Variants in GPR158 observed in about 807,000 individuals in gnomAD.
The protein encoded by GPR158 is G protein-coupled receptor 158, also known as metabotropic glycine receptor.
A neutral mutation model predicts 78.2 loss-of-function variants in GPR158; 30 were observed. The ratio of observed to expected loss-of-function variants is 0.38; its 90% CI spans 0.29 to 0.52. The LOEUF (loss-of-function observed/expected upper bound fraction) is 0.52. GPR158 is among the 20% of genes least tolerant of loss of function. The probability of loss-of-function intolerance (pLI) is 0.83; values close to 1 mark genes in which losing one functional copy is unlikely to be tolerated. For synonymous variants in GPR158, 581 were observed against 591.1 expected (o/e 0.98, Z 0.25); for missense variants, 1,463 against 1,523.5 (o/e 0.96, Z 0.66).
At chr10:25,270,719 C>T (rs533737260) in intron 2 of GPR158, among the ~76,000 whole-genome samples, 84 of 152,274 alleles carry the variant, frequency 5.5e-4, no homozygotes, top group African/African-American at 1.7e-3. Context: ...ATCACCTTAT[C>T]GAAGTCCCAT....
chr10:25,587,930 A>T (rs748451583), intron 7 of GPR158, among the ~76,000 whole-genome samples: 1 of 152,162 alleles, frequency 6.6e-6, no homozygotes, highest in Non-Finnish European at 1.5e-5. Flanking sequence ...AGAAAGTTCC[A>T]TCTAGATAAT....
chr10:25,238,828 C>G (rs1392696112), intron 2 of GPR158, among the ~76,000 whole-genome samples: 1 of 152,182 alleles, frequency 6.6e-6, no homozygotes, highest in Non-Finnish European at 1.5e-5. Context: ...GTTCAGGACC[C>G]TATGATTAGA....
At chr10:25,213,307 A>G (rs1288186554) in intron 1 of GPR158, among the ~76,000 whole-genome samples, 1 of 152,226 alleles carries the variant, frequency 6.6e-6, no homozygotes, top group Non-Finnish European at 1.5e-5. Context: ...TTGGAATTTA[A>G]GAAAGTTTCC....
At chr10:25,550,503 G>A (rs10828819) in intron 5 of GPR158, among the ~76,000 whole-genome samples, 41,850 of 152,018 alleles carry the variant, frequency 0.28, 11,151 homozygotes, top group African/African-American at 0.67. Context: ...GAGAATGGCA[G>A]TGGGACTATC....
chr10:25,377,262 T>C (rs1834093322), intron 2 of GPR158, among the ~76,000 whole-genome samples: 1 of 151,984 alleles, frequency 6.6e-6, no homozygotes, highest in Non-Finnish European at 1.5e-5. Flanking sequence ...GACTTTTAAA[T>C]GTAATAACTC....
chr10:25,488,590 T>C (rs2130644474), intron 5 of GPR158, among the ~76,000 whole-genome samples: 1 of 152,342 alleles, frequency 6.6e-6, no homozygotes, highest in African/African-American at 2.4e-5. Flanking sequence ...ACTGATTATG[T>C]AACTCACAAT....
intron 2 of GPR158, among the ~76,000 whole-genome samples, chr10:25,335,381 G>A (rs1380184203): frequency 6.6e-6 from 1 of 152,020 alleles, no homozygotes; most frequent in South Asian, 2.1e-4. Flanking sequence ...TCCTTTTGTT[G>A]ATGTTATAAA....
intron 2 of GPR158, among the ~76,000 whole-genome samples, chr10:25,369,373 A>C (rs1373153255): frequency 6.7e-6 from 1 of 150,112 alleles, no homozygotes; most frequent in Non-Finnish European, 1.5e-5. Context: ...AGTTTTTAGC[A>C]TGAAGGGTTG....
chr10:25,349,220 G>A (rs2130516716), intron 2 of GPR158, among the ~76,000 whole-genome samples: 1 of 151,894 alleles, frequency 6.6e-6, no homozygotes, highest in East Asian at 2.0e-4. Context: ...ACTCTTCCTG[G>A]CATCACTGTG....
chr10:25,252,191 T>C (rs1057471665), intron 2 of GPR158, among the ~76,000 whole-genome samples: 4 of 151,306 alleles, frequency 2.6e-5, no homozygotes, highest in Non-Finnish European at 5.9e-5. Context: ...TTCTCTGTAT[T>C]GGTTATTCTA....
rs549861156 is a variant in GPR158, at chr10:25,393,984, T to A, written c.1009-1927T>A. 4 of 152,330 alleles carry A rather than the reference T, an allele frequency of 2.6e-5. 1 individual carries two copies. The highest frequency in any genetic ancestry group is 9.6e-5 in the African/African-American group (4 of 41,574). The allele number at this position is 152,330 out of a possible 1,614,324, so 9.4% of individuals were successfully genotyped here. A position where few individuals can be genotyped will look rare whatever the true frequency, so the allele number is the denominator to read the frequency against. ...CATCTCTTCTAAACTTCATACTAGT[T>A]TATCAAACTACCTATTTGAGATGTA... On this transcript the variant is annotated intron_variant, in intron 2 of 10. Coordinates refer to ENST00000376351, the MANE Select transcript of GPR158 (RefSeq NM_020752.3).
At chr10:25,262,828 A>C (rs1441238079) in intron 2 of GPR158, among the ~76,000 whole-genome samples, 2 of 152,228 alleles carry the variant, frequency 1.3e-5, no homozygotes, top group African/African-American at 4.8e-5. Context: ...CCATTATAGT[A>C]TCATACAGAA....
At position 25,573,704 on chromosome 10, in the gene GPR158, T is replaced by C. The variant is rs180920306; in HGVS notation, c.1753+817T>C. ...AATTGTATTTGGCAGATATAAAAGA[T>C]AGAAACATGAGTTTGATTCCCATTT... On this transcript the variant is annotated intron_variant, in intron 7 of 10. Transcript: ENST00000376351. Among the ~76,000 whole-genome samples the C allele has an allele frequency of 2.0e-4, 31 of 152,318 alleles. No homozygotes were observed. The East Asian group carries it at 5.8e-3, about 28-fold the overall frequency.
chr10:25,521,925 G>C (rs1206418724), intron 5 of GPR158, among the ~76,000 whole-genome samples: 2 of 152,212 alleles, frequency 1.3e-5, no homozygotes, highest in African/African-American at 4.8e-5. Context: ...TAATTTTTCA[G>C]AGTTGAGGCA....
chr10:25,222,100 T>C (rs1446292788), intron 2 of GPR158, among the ~76,000 whole-genome samples: 1 of 152,134 alleles, frequency 6.6e-6, no homozygotes, highest in African/African-American at 2.4e-5. Context: ...GCACAGACAG[T>C]TGCACAGGTA....
intron 5 of GPR158, among the ~76,000 whole-genome samples, chr10:25,535,122 C>A (rs1163452239): frequency 6.6e-6 from 1 of 152,140 alleles, no homozygotes; most frequent in Non-Finnish European, 1.5e-5. Flanking sequence ...TTGCTTTGAA[C>A]CCAGGTAGAT....
intron 2 of GPR158, among the ~76,000 whole-genome samples, chr10:25,293,172 C>A (rs911551636): frequency 1.3e-5 from 2 of 152,106 alleles, no homozygotes; most frequent in Non-Finnish European, 2.9e-5. Context: ...TATGCTGCTG[C>A]CTTGAGTTGA....
chr10:25,323,375 C>T lies in GPR158; in HGVS notation c.1009-72536C>T, dbSNP rs187238238. 2.3e-3 allele frequency among the ~76,000 whole-genome samples: 349 copies of T among 152,284 alleles called. 2 individuals carry two copies. The highest frequency in any genetic ancestry group is 0.02 in the Middle Eastern group (6 of 294). ...ATTAGATCCTAGCAAGAGACTCACT[C>T]AGCCTGCCCTTGGAAACTTTGAAGC... On this transcript the variant is annotated intron_variant, in intron 2 of 10. Coordinates refer to ENST00000376351, the MANE Select transcript of GPR158 (RefSeq NM_020752.3).
chr10:25,471,807 T>C (rs577995541), intron 5 of GPR158, among the ~76,000 whole-genome samples: 62 of 152,236 alleles, frequency 4.1e-4, no homozygotes, highest in Middle Eastern at 3.4e-3. Flanking sequence ...TTTGATGGGG[T>C]TGTTTGTTTT....
Sources: gnomAD v4.1 joint callset for allele counts (sites outside exome capture counted in the v4.1 genomes callset) on GRCh38, gnomAD v4.1.1 for gene constraint, MANE v1.5 for transcripts, NCBI Gene and HGNC (gene_info 2026-07-23, HGNC 2026-07-21) for gene names.